Variants in KCNIP1 observed in about 807,000 individuals in gnomAD.
KCNIP1 encodes the protein potassium voltage-gated channel interacting protein 1, also known as A-type potassium channel modulatory protein KCNIP1.
In KCNIP1, 18 loss-of-function variants were observed where a neutral mutation model predicts 33.0. The observed-to-expected ratio is 0.55, with a 90% CI of 0.38 to 0.81. KCNIP1 has a LOEUF of 0.81. Ranked by LOEUF, KCNIP1 falls within the 30% of genes least tolerant of loss-of-function variation. The pLI, the probability that KCNIP1 is intolerant of heterozygous loss-of-function variation, is 0.00. For synonymous variants in KCNIP1, 93 were observed against 98.3 expected, an observed-to-expected ratio of 0.95 and a Z score of 0.32; for missense variants, 238 against 271.6, an observed-to-expected ratio of 0.88 and a Z score of 0.87.
At chr5:170,640,131 G>C (rs1414129454) in intron 1 of KCNIP1, among the ~76,000 whole-genome samples, 1 of 152,242 alleles carries the variant, frequency 6.6e-6, no homozygotes. Context: ...ACAGGACTTG[G>C]TGACAGATTT....
chr5:170,606,502 C>T (rs1415234235), intron 1 of KCNIP1, among the ~76,000 whole-genome samples: 1 of 152,132 alleles, frequency 6.6e-6, no homozygotes, highest in Non-Finnish European at 1.5e-5. Flanking sequence ...GATTAAATGA[C>T]TGATAGCCTT....
intron 1 of KCNIP1, among the ~76,000 whole-genome samples, chr5:170,714,888 G>GA (rs911580887): frequency 1.4e-4 from 21 of 150,990 alleles, no homozygotes; most frequent in Admixed American, 6.6e-4. Flanking sequence ...ATTTCTTATT[G>GA]AAAAAAAAAT....
intron 1 of KCNIP1, among the ~76,000 whole-genome samples, chr5:170,510,924 C>G (rs1754911064): frequency 6.6e-6 from 1 of 152,110 alleles, no homozygotes. Flanking sequence ...AAAATGGGGA[C>G]AGTGGGCCAG....
intron 1 of KCNIP1, among the ~76,000 whole-genome samples, chr5:170,628,601 A>G (rs77414054): frequency 0.017 from 2,663 of 152,288 alleles, 76 homozygotes; most frequent in African/African-American, 0.061. Context: ...GTGATCCAGA[A>G]GGCGGCCTTG....
intron 1 of KCNIP1, among the ~76,000 whole-genome samples, chr5:170,676,961 C>A (rs2113784792): frequency 6.6e-6 from 1 of 152,304 alleles, no homozygotes; most frequent in East Asian, 1.9e-4. Flanking sequence ...GGAGTTCATG[C>A]ACCCAGCAAT....
intron 1 of KCNIP1, among the ~76,000 whole-genome samples, chr5:170,389,859 C>G (rs1222662978): frequency 6.6e-6 from 1 of 152,192 alleles, no homozygotes; most frequent in Non-Finnish European, 1.5e-5. Context: ...TTTGGTTTTA[C>G]TCCCAAACTT....
At chr5:170,478,673 A>G (rs1756910567) in intron 1 of KCNIP1, among the ~76,000 whole-genome samples, 1 of 152,188 alleles carries the variant, frequency 6.6e-6, no homozygotes, top group South Asian at 2.1e-4. Context: ...CTAAGTTTCT[A>G]TGTGAGAATT....
intron 1 of KCNIP1, among the ~76,000 whole-genome samples, chr5:170,364,092 C>G (rs1167618800): frequency 2.0e-5 from 3 of 151,794 alleles, no homozygotes; most frequent in Non-Finnish European, 4.4e-5. Flanking sequence ...CTTCTACCTC[C>G]TGGGCTCAAG....
intron 1 of KCNIP1, among the ~76,000 whole-genome samples, chr5:170,431,206 G>A (rs557889453): frequency 7.2e-5 from 11 of 152,374 alleles, no homozygotes; most frequent in African/African-American, 2.4e-4. Context: ...GGCTGGCGGA[G>A]GAGCCAGAAG....
intron 1 of KCNIP1, among the ~76,000 whole-genome samples, chr5:170,705,784 C>T (rs1290487811): frequency 2.6e-5 from 4 of 152,126 alleles, no homozygotes; most frequent in Admixed American, 2.6e-4. Context: ...CTAGATCCAT[C>T]AGGAAAGGTA....
At chr5:170,422,245 C>G (rs552117823) in intron 1 of KCNIP1, 3 of 152,162 alleles carry the variant, frequency 2.0e-5, no homozygotes, top group Non-Finnish European at 4.4e-5. Flanking sequence ...CATTTGAGGG[C>G]AATGAGAAAG....
intron 1 of KCNIP1, among the ~76,000 whole-genome samples, chr5:170,584,982 T>C (rs28491568): frequency 0.16 from 24,755 of 151,964 alleles, 2,131 homozygotes; most frequent in African/African-American, 0.24. Flanking sequence ...GTTAACCCTT[T>C]ACAGGCATTA....
chr5:170,561,356 A>C (rs1475960302), intron 1 of KCNIP1, among the ~76,000 whole-genome samples: 1 of 152,174 alleles, frequency 6.6e-6, no homozygotes, highest in East Asian at 1.9e-4. Flanking sequence ...AAGAGTGTGC[A>C]GGGTCCAAAG....
At chr5:170,537,540 G>T (rs1194315147) in intron 1 of KCNIP1, among the ~76,000 whole-genome samples, 1 of 152,140 alleles carries the variant, frequency 6.6e-6, no homozygotes, top group Non-Finnish European at 1.5e-5. Flanking sequence ...TTGTCCTCAG[G>T]ACCCCCTCTC....
At chr5:170,501,847 C>A (rs114270825), upstream of KCNIP1, among the ~76,000 whole-genome samples, 600 of 152,360 alleles carry the variant, frequency 3.9e-3, 5 homozygotes, top group African/African-American at 0.014. Context: ...TGACCCCAAG[C>A]TTCAGCCTCG....
intron 1 of KCNIP1, among the ~76,000 whole-genome samples, chr5:170,711,652 G>A (rs1763447594): frequency 6.6e-6 from 1 of 152,062 alleles, no homozygotes; most frequent in Non-Finnish European, 1.5e-5. Context: ...AAACTGTGAG[G>A]GCGGAATATA....
intron 1 of KCNIP1, among the ~76,000 whole-genome samples, chr5:170,568,091 T>C (rs1326518846): frequency 1.3e-5 from 2 of 152,180 alleles, no homozygotes; most frequent in Non-Finnish European, 2.9e-5. Context: ...CCTATAAAAA[T>C]GGGATCGATA....
chr5:170,554,264 G>T (rs751856634), intron 1 of KCNIP1, among the ~76,000 whole-genome samples: 1 of 152,218 alleles, frequency 6.6e-6, no homozygotes, highest in African/African-American at 2.4e-5. Context: ...CCAGAATGGG[G>T]ACTGGGTTGG....
chr5:170,584,272 A>C (rs1234398063), intron 1 of KCNIP1, among the ~76,000 whole-genome samples: 4 of 152,098 alleles, frequency 2.6e-5, no homozygotes, highest in African/African-American at 7.2e-5. Flanking sequence ...AGAAATTCTG[A>C]TTGTTGTTTG....
Sources: allele counts gnomAD v4.1 joint callset (sites outside exome capture counted in the v4.1 genomes callset), GRCh38; gene constraint gnomAD v4.1.1; transcripts MANE v1.5; gene names NCBI Gene and HGNC (gene_info 2026-07-23, HGNC 2026-07-21).